Variants in LHPP observed in about 807,000 individuals in gnomAD.
LHPP encodes the protein phospholysine phosphohistidine inorganic pyrophosphate phosphatase.
Under a neutral mutation model 30.3 loss-of-function variants are expected in LHPP, and 24 were observed. The ratio of observed to expected loss-of-function variants is 0.79; its 90% CI spans 0.57 to 1.11. LHPP has a LOEUF of 1.11. Ranked by LOEUF, LHPP falls within the 50% of genes most tolerant of loss-of-function variation. LHPP has a pLI of 0.00. For missense variants in LHPP, 356 were observed against 367.2 expected, an observed-to-expected ratio of 0.97 and a Z score of 0.25; for synonymous variants, 150 against 157.1, an observed-to-expected ratio of 0.95 and a Z score of 0.34.
chr10:124,595,260 T>G (rs1831166649), intron 6 of LHPP, among the ~76,000 whole-genome samples: 1 of 152,090 alleles, frequency 6.6e-6, no homozygotes, highest in Admixed American at 6.5e-5. Flanking sequence ...GCAACCTGGT[T>G]GGGGACGCGA....
intron 6 of LHPP, among the ~76,000 whole-genome samples, chr10:124,568,369 C>CTT (rs543357570): frequency 5.3e-5 from 8 of 152,230 alleles, no homozygotes; most frequent in Non-Finnish European, 1.2e-4. Context: ...TCTTCTTGCC[C>CTT]TTTGCCTGCA....
chr10:124,489,706 C>T (rs559190665), intron 3 of LHPP: 2 of 156,846 alleles, frequency 1.3e-5, no homozygotes, highest in Admixed American at 6.5e-5. Flanking sequence ...CCCGCCTTGG[C>T]CTCCCAAAGT....
chr10:124,577,209 C>T (rs778730809), intron 6 of LHPP, among the ~76,000 whole-genome samples: 8 of 152,132 alleles, frequency 5.3e-5, no homozygotes, highest in East Asian at 1.9e-4. Context: ...TGCTCCCGAC[C>T]GCCAGGCTGT....
intron 6 of LHPP, among the ~76,000 whole-genome samples, chr10:124,552,949 G>C (rs747637284): frequency 6.6e-6 from 1 of 152,232 alleles, no homozygotes; most frequent in Non-Finnish European, 1.5e-5. Flanking sequence ...TAAGGCAACC[G>C]TAATTAACAT....
At chr10:124,598,640 TC>T (rs1948983400) in intron 6 of LHPP, among the ~76,000 whole-genome samples, 1 of 25,312 alleles carries the variant, frequency 4.0e-5, no homozygotes, top group Non-Finnish European at 8.9e-5. Context: ...CGTCCGTCCA[TC>T]CATCCATCCA....
chr10:124,598,663 C>G (rs1227370597), intron 6 of LHPP, among the ~76,000 whole-genome samples: 1 of 151,414 alleles, frequency 6.6e-6, no homozygotes, highest in African/African-American at 2.4e-5. Flanking sequence ...CCATCCATCC[C>G]TATCCACCTG....
intron 6 of LHPP, among the ~76,000 whole-genome samples, chr10:124,543,287 A>G (rs764582586): frequency 3.3e-5 from 5 of 152,156 alleles, no homozygotes; most frequent in Non-Finnish European, 7.4e-5. Context: ...TTTGTGGCCA[A>G]CCTGAGGGTA....
At chr10:124,538,188 CGGGGTCACCATGT>C (rs1263087103) in intron 6 of LHPP, among the ~76,000 whole-genome samples, 9 of 145,456 alleles carry the variant, frequency 6.2e-5, no homozygotes, top group African/African-American at 1.2e-4. Flanking sequence ...GGTCACCATG[CGGGGTCACCATGT>C]GGGGTCACCA....
chr10:124,477,387 C>G (rs958129624), intron 1 of LHPP, among the ~76,000 whole-genome samples: 3 of 152,156 alleles, frequency 2.0e-5, no homozygotes, highest in African/African-American at 7.2e-5. Flanking sequence ...AATAGGGACC[C>G]TCCAGCACAC....
At chr10:124,582,576 A>G (rs776492679) in intron 6 of LHPP, among the ~76,000 whole-genome samples, 29 of 152,232 alleles carry the variant, frequency 1.9e-4, no homozygotes, top group African/African-American at 5.8e-4. Flanking sequence ...GACTTCCCCA[A>G]AATTTAACTA....
At chr10:124,597,808 G>A (rs1948968964) in intron 6 of LHPP, among the ~76,000 whole-genome samples, 1 of 152,224 alleles carries the variant, frequency 6.6e-6, no homozygotes, top group African/African-American at 2.4e-5. Context: ...GTTGGAGTGC[G>A]CACTGGGAGG....
chr10:124,566,965 C>G (rs561636468), intron 6 of LHPP, among the ~76,000 whole-genome samples: 2 of 152,224 alleles, frequency 1.3e-5, no homozygotes, highest in Non-Finnish European at 2.9e-5. Context: ...CCATCCAGCT[C>G]TCCTCCAGAT....
intron 6 of LHPP, among the ~76,000 whole-genome samples, chr10:124,543,106 G>T (rs988731961): frequency 6.6e-6 from 1 of 152,202 alleles, no homozygotes; most frequent in African/African-American, 2.4e-5. Context: ...CCTGTCAGGG[G>T]GCTGGATACC....
chr10:124,463,747 G>A (rs1952471863), intron 1 of LHPP, among the ~76,000 whole-genome samples: 2 of 150,868 alleles, frequency 1.3e-5, no homozygotes, highest in Admixed American at 1.3e-4. Context: ...GGCTCAGGCA[G>A]TCCTCCTGCC....
rs575816346 is a variant in LHPP at position 124,613,258 on chromosome 10, C to T, written c.717-6C>T. On this transcript the variant is annotated splice_polypyrimidine_tract_variant and splice_region_variant and intron_variant, in intron 6 of 6. Transcript: ENST00000368842. ...GCACTGACTAACCTCCGGCCATCCT[C>T]TCCAGGCCCAGTGACGAGCACCATC... The T allele has an allele frequency of 1.9e-6, 3 of 1,611,728 alleles. No individual in the cohort carries two copies. In the South Asian group the frequency reaches 3.3e-5, roughly 18 times the overall value.
chr10:124,558,636 T>A (rs1948342236), intron 6 of LHPP, among the ~76,000 whole-genome samples: 4 of 152,210 alleles, frequency 2.6e-5, no homozygotes. Flanking sequence ...GCAGGGGCAC[T>A]CACCATGCTA....
intron 6 of LHPP, among the ~76,000 whole-genome samples, chr10:124,535,692 G>A (rs758234611): frequency 4.6e-5 from 7 of 152,088 alleles, no homozygotes; most frequent in Non-Finnish European, 8.8e-5. Flanking sequence ...AGCTTGGCGT[G>A]AGCCGCCATG....
intron 5 of LHPP, among the ~76,000 whole-genome samples, chr10:124,512,119 C>G (rs780385978): frequency 1.3e-5 from 2 of 152,170 alleles, no homozygotes; most frequent in African/African-American, 2.4e-5. Context: ...TAGCACTTGT[C>G]GTGAGCTCCG....
At position 124,517,855 on chromosome 10, in the gene LHPP, G is replaced by T. The variant is rs891773525; in HGVS notation, c.716+584G>T. On this transcript the variant is annotated intron_variant, in intron 6 of 6. Coordinates refer to ENST00000368842, the MANE Select transcript of LHPP (RefSeq NM_022126.4). The surrounding 1 kb of genome is among the most constrained non-coding windows in gnomAD (Gnocchi z 4.1). Reference sequence around the variant, plus strand: ...TCCCAGGCATGTGGAGGGCCCTGTGGTACCCAAGCTCCAGCTCGCCTGGTC... The same window carrying T: ...TCCCAGGCATGTGGAGGGCCCTGTGTTACCCAAGCTCCAGCTCGCCTGGTC... Among the ~76,000 whole-genome samples the T allele has an allele frequency of 6.6e-6, 1 of 152,236 alleles. No individual in the cohort carries two copies. Among genetic ancestry groups the T allele is most frequent in the Admixed American group, 6.5e-5 (1 of 15,292 alleles).
Sources: gnomAD v4.1 joint callset for allele counts (sites outside exome capture counted in the v4.1 genomes callset) on GRCh38, gnomAD v4.1.1 for gene constraint, Gnocchi (gnomAD v3.1) non-coding constraint, MANE v1.5 for transcripts, NCBI Gene and HGNC (gene_info 2026-07-23, HGNC 2026-07-21) for gene names.